CFAP97: variants seen among roughly 807,000 people sequenced by gnomAD.
CFAP97 encodes cilia and flagella associated protein 97.
CFAP97 carries 36 observed loss-of-function variants against 43.1 expected under a neutral mutation model. That is an observed-to-expected ratio of 0.84 (90% CI 0.64 to 1.10). The LOEUF (loss-of-function observed/expected upper bound fraction) is 1.10, where lower values mean the gene tolerates loss of function less well. CFAP97 is among the 50% of genes least tolerant of loss of function. CFAP97 has a pLI of 0.00. For missense variants in CFAP97, 657 were observed against 620.3 expected (o/e 1.06, Z -0.63); for synonymous variants, 228 against 225.7 (o/e 1.01, Z -0.09).
upstream of CFAP97, among the ~76,000 whole-genome samples, chr4:185,207,210 CTT>C (rs34373262): frequency 0.1 from 7,557 of 75,254 alleles, 61 homozygotes; most frequent in Non-Finnish European, 0.11. Context: ...ACCAGTCACA[CTT>C]TTTTTTTTTT....
intron 1 of CFAP97, among the ~76,000 whole-genome samples, chr4:185,199,035 T>G (rs994294741): frequency 1.3e-5 from 2 of 152,174 alleles, no homozygotes; most frequent in Admixed American, 6.5e-5. Flanking sequence ...ATGGAGCTGG[T>G]GACTTTAAAA....
intron 3 of CFAP97, among the ~76,000 whole-genome samples, chr4:185,175,426 C>G (rs1735476287): frequency 1.3e-5 from 2 of 152,006 alleles, no homozygotes; most frequent in Admixed American, 1.3e-4. Context: ...GCCACCATGC[C>G]CACCATGCCC....
intron 2 of CFAP97, among the ~76,000 whole-genome samples, chr4:185,184,790 T>C (rs1579249999): frequency 6.6e-6 from 1 of 152,212 alleles, no homozygotes. Context: ...TATTTTCTAT[T>C]AGATGGTTTT....
intron 2 of CFAP97, among the ~76,000 whole-genome samples, chr4:185,179,742 G>C (rs1735709801): frequency 6.6e-6 from 1 of 152,170 alleles, no homozygotes; most frequent in African/African-American, 2.4e-5. Context: ...GGGGTAATCT[G>C]TCATGCAGTA....
At chr4:185,183,810 G>C (rs1445958432) in intron 2 of CFAP97, among the ~76,000 whole-genome samples, 2 of 152,146 alleles carry the variant, frequency 1.3e-5, no homozygotes, top group African/African-American at 4.8e-5. Flanking sequence ...AAAAAGCCCT[G>C]AGCGCCACCT....
chr4:185,198,365 C>A (rs1396978618), intron 1 of CFAP97, among the ~76,000 whole-genome samples: 1 of 150,334 alleles, frequency 6.7e-6, no homozygotes, highest in African/African-American at 2.5e-5. Context: ...ATCCTTTGAA[C>A]TGGGAAGGCA....
chr4:185,199,005 C>T (rs1335046838), intron 1 of CFAP97, among the ~76,000 whole-genome samples: 1 of 152,184 alleles, frequency 6.6e-6, no homozygotes, highest in African/African-American at 2.4e-5. Context: ...AAAGAACAGG[C>T]TGACTCTTAT....
At chr4:185,165,568 T>G (rs1369663021) in intron 3 of CFAP97, among the ~76,000 whole-genome samples, 4 of 152,204 alleles carry the variant, frequency 2.6e-5, no homozygotes, top group African/African-American at 9.7e-5. Context: ...ATTCAAACTT[T>G]CTCTGAAGGA....
chr4:185,192,397 A>C (rs943994339), intron 1 of CFAP97, among the ~76,000 whole-genome samples: 75 of 152,322 alleles, frequency 4.9e-4, no homozygotes, highest in Non-Finnish European at 8.8e-4. Context: ...TAAGTATTAC[A>C]AAAAATGGAT....
At position 185,192,961 on chromosome 4, in the gene CFAP97, G is replaced by C. The variant is rs187978469; in HGVS notation, c.-16-1749C>G. On this transcript the variant is annotated intron_variant, in intron 1 of 4. Transcript: ENST00000458385. Reference sequence around the variant, plus strand: ...TTCACCGTGTTATCCAGGATGGCCTGGATCTCCTGACCTTGTGATCCGCCC... The same window carrying C: ...TTCACCGTGTTATCCAGGATGGCCTCGATCTCCTGACCTTGTGATCCGCCC... Among the ~76,000 whole-genome samples the C allele has an allele frequency of 2.0e-4, 30 of 152,012 alleles. No individual in the cohort carries two copies. In the Middle Eastern group the frequency reaches 0.01, roughly 52 times the overall value.
chr4:185,170,341 CTAAA>C (rs1455485888), intron 3 of CFAP97: 28 of 560,658 alleles, frequency 5.0e-5, no homozygotes, highest in South Asian at 9.2e-5. Context: ...GCGAGATAGT[CTAAA>C]TAAATAAATA....
At chr4:185,185,641 T>C (rs1735978375) in intron 2 of CFAP97, among the ~76,000 whole-genome samples, 1 of 148,388 alleles carries the variant, frequency 6.7e-6, no homozygotes, top group East Asian at 2.0e-4. Flanking sequence ...ACCTTTTTTT[T>C]TTTTTTTTTT....
At chr4:185,166,044 C>T (rs1430884824) in intron 3 of CFAP97, among the ~76,000 whole-genome samples, 2 of 152,148 alleles carry the variant, frequency 1.3e-5, no homozygotes, top group Admixed American at 6.6e-5. Flanking sequence ...TTTACTGCCT[C>T]CCTGCATGCT....
In CFAP97 at chr4:185,160,672, AAAG is replaced by A. The variant is rs1734843451; in HGVS notation, c.*2123_*2125del. On this transcript the variant is annotated 3_prime_UTR_variant, in exon 5 of 5. Transcript: ENST00000458385. ...AATACTTAGATGAACCTCCCCTTTC[AAAG>A]TAGTAAAAACTAAAGCATTAAATTA... 1 of 151,862 alleles carries A rather than the reference AAAG, an allele frequency of 6.6e-6. No individual in the cohort carries two copies. The highest frequency in any genetic ancestry group is 1.5e-5 in the Non-Finnish European group (1 of 67,930). The allele number at this position is 151,862 out of a possible 1,614,324, so 9.4% of individuals were successfully genotyped here.
chr4:185,207,318 A>G (rs1360937491), upstream of CFAP97, among the ~76,000 whole-genome samples: 2 of 140,566 alleles, frequency 1.4e-5, no homozygotes, highest in South Asian at 2.2e-4. Context: ...CCAGGTTCAC[A>G]CCGTTCTCCT....
At chr4:185,164,273 C>CT (rs34135937) in intron 3 of CFAP97, 94 bp from the exon 4 acceptor site, 350,644 of 979,780 alleles carry the variant, frequency 0.36, 22,242 homozygotes, top group Middle Eastern at 0.4. Context: ...CACTTTCTTT[C>CT]TTTTTTTTTT....
intron 2 of CFAP97, among the ~76,000 whole-genome samples, chr4:185,188,664 A>G (rs1736105132): frequency 6.6e-6 from 1 of 152,004 alleles, no homozygotes; most frequent in Non-Finnish European, 1.5e-5. Context: ...TTAATATAAG[A>G]GTAAGTCACT....
upstream of CFAP97, among the ~76,000 whole-genome samples, chr4:185,208,664 A>G (rs1737313462): frequency 6.6e-6 from 1 of 151,870 alleles, no homozygotes; most frequent in African/African-American, 2.4e-5. Flanking sequence ...GGAAGCAGAG[A>G]TTGCAGTGAG....
At position 185,164,234 on chromosome 4, in the gene CFAP97, C is replaced by T. The variant is rs1032582746; in HGVS notation, c.1321-55G>A. 5.3e-6 allele frequency: 8 copies of T among 1,497,908 alleles called. No individual in the cohort carries two copies. The Admixed American group carries it at 5.6e-5, about 10-fold the overall frequency. The allele number at this position is 1,497,908 out of a possible 1,614,324, so 92.8% of individuals were successfully genotyped here. On this transcript the variant is annotated intron_variant, in intron 3 of 4. Coordinates refer to ENST00000458385, the MANE Select transcript of CFAP97 (RefSeq NM_020827.3). The stretch of plus-strand genomic sequence containing the variant: ...AAGGTTAAACAGCAATCATTTTTAA[C>T]AAGGCAATACATTCTAGAGCCTGAC...
Sources: gnomAD v4.1 joint callset for allele counts (sites outside exome capture counted in the v4.1 genomes callset) on GRCh38, gnomAD v4.1.1 for gene constraint, MANE v1.5 for transcripts, NCBI Gene and HGNC (gene_info 2026-07-23, HGNC 2026-07-21) for gene names.